The following CDA variants were observed in gnomAD, a reference collection of about 807,000 sequenced individuals.
The protein encoded by CDA is cytidine deaminase, also known as cytidine aminohydrolase.
In CDA, 7 loss-of-function variants were observed where a neutral mutation model predicts 15.0. That is an observed-to-expected ratio of 0.47 (90% CI 0.26 to 0.87). The LOEUF is 0.87. CDA is among the 40% of genes least tolerant of loss of function. CDA has a pLI of 0.15. For synonymous variants in CDA, 58 were observed against 73.0 expected (o/e 0.79, Z 1.05); for missense variants, 159 against 182.7 (o/e 0.87, Z 0.75).
chr1:20,594,023 G>A (rs2101175737), intron 1 of CDA, among the ~76,000 whole-genome samples: 1 of 152,338 alleles, frequency 6.6e-6, no homozygotes, highest in African/African-American at 2.4e-5. Context: ...GAGCTGATCA[G>A]GAGGCAGAAA....
intron 2 of CDA, among the ~76,000 whole-genome samples, chr1:20,606,274 G>A (rs11580375): frequency 6.9e-6 from 1 of 145,742 alleles, no homozygotes; most frequent in Admixed American, 6.9e-5. Context: ...GGTGGAGCTC[G>A]CAGTGAGCTG....
At chr1:20,611,600 CG>C (rs2052751481) in intron 2 of CDA, among the ~76,000 whole-genome samples, 1 of 152,212 alleles carries the variant, frequency 6.6e-6, no homozygotes, top group African/African-American at 2.4e-5. Flanking sequence ...AGGATGGTCT[CG>C]GTCTCTTGAC....
intron 2 of CDA, among the ~76,000 whole-genome samples, chr1:20,610,630 A>G (rs2052741150): frequency 6.6e-6 from 1 of 152,164 alleles, no homozygotes; most frequent in Admixed American, 6.5e-5. Context: ...AATAAGATGA[A>G]TTATGAAATA....
At chr1:20,598,247 G>T (rs78540957) in intron 1 of CDA, among the ~76,000 whole-genome samples, 42 of 152,250 alleles carry the variant, frequency 2.8e-4, no homozygotes, top group Admixed American at 2.7e-3. Context: ...GATGAATACC[G>T]CTATAAAAAG....
intron 1 of CDA, among the ~76,000 whole-genome samples, chr1:20,597,178 G>A (rs753944121): frequency 5.3e-5 from 8 of 152,184 alleles, no homozygotes; most frequent in Non-Finnish European, 1.0e-4. Context: ...GCCGGGCGCC[G>A]TGGCTCACAT....
At chr1:20,601,016 T>C (rs923249639) in intron 1 of CDA, among the ~76,000 whole-genome samples, 1 of 152,210 alleles carries the variant, frequency 6.6e-6, no homozygotes, top group Non-Finnish European at 1.5e-5. Flanking sequence ...CTGATCTCTG[T>C]ATGGTTTCAA....
chr1:20,610,765 A>C (rs1024157395), intron 2 of CDA, among the ~76,000 whole-genome samples: 1 of 152,230 alleles, frequency 6.6e-6, no homozygotes, highest in Non-Finnish European at 1.5e-5. Flanking sequence ...TATGTATATA[A>C]CATTCTAAAG....
At chr1:20,617,467 A>T (rs939265198) in intron 3 of CDA, among the ~76,000 whole-genome samples, 6 of 152,070 alleles carry the variant, frequency 3.9e-5, no homozygotes. Context: ...ACCTGGTGGG[A>T]GGCAATTGAA....
At chr1:20,613,505 G>GGTTTTTTA in intron 2 of CDA, among the ~76,000 whole-genome samples, 1 of 152,304 alleles carries the variant, frequency 6.6e-6, no homozygotes, top group Middle Eastern at 3.4e-3. Context: ...AAGCCCAGCT[G>GGTTTTTTA]CATTTTGTTT....
intron 1 of CDA, among the ~76,000 whole-genome samples, chr1:20,597,507 A>T (rs1213292395): frequency 6.6e-6 from 1 of 152,212 alleles, no homozygotes; most frequent in Non-Finnish European, 1.5e-5. Flanking sequence ...TCCTGCCACC[A>T]GCCTTCACTT....
At chr1:20,591,295 C>G (rs576552315) in intron 1 of CDA, among the ~76,000 whole-genome samples, 4 of 152,082 alleles carry the variant, frequency 2.6e-5, no homozygotes, top group Non-Finnish European at 5.9e-5. Flanking sequence ...GAGCCGAGAT[C>G]GTGCCACTGC....
chr1:20,590,085 G>C (rs1462986583), intron 1 of CDA, among the ~76,000 whole-genome samples: 1 of 152,192 alleles, frequency 6.6e-6, no homozygotes, highest in African/African-American at 2.4e-5. Flanking sequence ...GGGCAGTAGG[G>C]GACATGGTGT....
intron 2 of CDA, among the ~76,000 whole-genome samples, chr1:20,611,464 C>A (rs928643305): frequency 4.0e-5 from 6 of 151,804 alleles, no homozygotes; most frequent in Non-Finnish European, 8.8e-5. Flanking sequence ...TACTGCAACC[C>A]CCGCCTCCCG....
intron 1 of CDA, among the ~76,000 whole-genome samples, chr1:20,599,020 G>A (rs2052615510): frequency 6.6e-6 from 1 of 152,220 alleles, no homozygotes; most frequent in African/African-American, 2.4e-5. Flanking sequence ...AGGAGAAATG[G>A]ATACAGAGAG....
chr1:20,606,948 TAATGATGCAAGAAA>T (rs1417102281), intron 2 of CDA, among the ~76,000 whole-genome samples: 1 of 152,174 alleles, frequency 6.6e-6, no homozygotes, highest in East Asian at 1.9e-4. Context: ...CTTAACAAGT[TAATGATGCAAGAAA>T]AATGACATGG....
chr1:20,589,391 T>A, intron 1 of CDA, 108 bp downstream of exon 1: 1 of 1,062,684 alleles, frequency 9.4e-7, no homozygotes, highest in Admixed American at 2.1e-5. Context: ...AGAGCGCGGC[T>A]CTGTCCCTTC....
chr1:20,596,326 C>A (rs1452145021), intron 1 of CDA, among the ~76,000 whole-genome samples: 2 of 152,102 alleles, frequency 1.3e-5, no homozygotes, highest in Non-Finnish European at 2.9e-5. Flanking sequence ...TCACGTGATT[C>A]TCAAACGTGG....
intron 1 of CDA, among the ~76,000 whole-genome samples, chr1:20,590,047 T>C (rs1453345908): frequency 6.6e-6 from 1 of 152,232 alleles, no homozygotes; most frequent in Non-Finnish European, 1.5e-5. Flanking sequence ...AAGCTTGTTT[T>C]TGCTAAGCTT....
intron 2 of CDA, among the ~76,000 whole-genome samples, chr1:20,613,248 G>C (rs1271786836): frequency 6.6e-6 from 1 of 151,274 alleles, no homozygotes; most frequent in Non-Finnish European, 1.5e-5. Flanking sequence ...TTGTTGCCCA[G>C]GCTGGGGTGC....
Sources: gnomAD v4.1 joint callset for allele counts (sites outside exome capture counted in the v4.1 genomes callset) on GRCh38, gnomAD v4.1.1 for gene constraint, MANE v1.5 for transcripts, NCBI Gene and HGNC (gene_info 2026-07-23, HGNC 2026-07-21) for gene names.